Variants in GULP1 observed in about 807,000 individuals in gnomAD.
GULP1 encodes GULP PTB domain containing engulfment adaptor 1.
A neutral mutation model predicts 40.9 loss-of-function variants in GULP1; 19 were observed. That is an observed-to-expected ratio of 0.46 (90% CI 0.32 to 0.68). The LOEUF is 0.68. Ranked by LOEUF, GULP1 falls within the 30% of genes least tolerant of loss-of-function variation. GULP1 has a pLI of 0.03. For synonymous variants in GULP1, 119 were observed against 117.6 expected (o/e 1.01, Z -0.08); for missense variants, 312 against 362.2 (o/e 0.86, Z 1.12).
intron 9 of GULP1, among the ~76,000 whole-genome samples, chr2:188,575,627 G>A (rs1700022324): frequency 6.6e-6 from 1 of 152,182 alleles, no homozygotes; most frequent in African/African-American, 2.4e-5. Flanking sequence ...GCAACAGGCT[G>A]AAAACAATAA....
At chr2:188,384,806 G>A (rs1363143435) in intron 2 of GULP1, among the ~76,000 whole-genome samples, 1 of 152,172 alleles carries the variant, frequency 6.6e-6, no homozygotes, top group Non-Finnish European at 1.5e-5. Flanking sequence ...AAATCCAGTG[G>A]GGCAGTCAAA....
In GULP1 at chr2:188,514,454, A is replaced by AAAAT. The variant is rs895663477; in HGVS notation, c.91-8286_91-8283dup. Among the ~76,000 whole-genome samples, 98 of 152,270 alleles carry AAAAT rather than the reference A, an allele frequency of 6.4e-4. 1 individual carries two copies. The highest frequency in any genetic ancestry group is 2.3e-3 in the African/African-American group (94 of 41,552). On this transcript the variant is annotated intron_variant, in intron 4 of 11. Coordinates refer to ENST00000409830, the MANE Select transcript of GULP1 (RefSeq NM_016315.4). The stretch of plus-strand genomic sequence containing the variant: ...TTAAGTGAGGACTTATTGTACAGAA[A>AAAAT]AAATAAATAAATAAATAAAACCCTG...
intron 2 of GULP1, among the ~76,000 whole-genome samples, chr2:188,420,093 T>A (rs2055176439): frequency 6.6e-6 from 1 of 152,200 alleles, no homozygotes; most frequent in African/African-American, 2.4e-5. Context: ...TTTGGTGTTT[T>A]GTAATTAATA....
rs547673428 is a variant in GULP1, at chr2:188,452,587, T to C, written c.-44-25072T>C. Among the ~76,000 whole-genome samples, 3 of 152,322 alleles carry C rather than the reference T, an allele frequency of 2.0e-5. No individual in the cohort carries two copies. The South Asian group carries it at 6.2e-4, about 32-fold the overall frequency. ...CCTGTATTTTCTATTATAAGCATAA[T>C]AAATACACTGTTAATATGTGTTTCA... On this transcript the variant is annotated intron_variant, in intron 2 of 11. Transcript: ENST00000409830.
At chr2:188,461,123 T>C (rs930632362) in intron 2 of GULP1, among the ~76,000 whole-genome samples, 1 of 152,140 alleles carries the variant, frequency 6.6e-6, no homozygotes, top group Non-Finnish European at 1.5e-5. Flanking sequence ...ATTTATTTAT[T>C]TATGATGTGT....
chr2:188,519,085 T>G (rs892966416), intron 4 of GULP1, among the ~76,000 whole-genome samples: 3 of 152,296 alleles, frequency 2.0e-5, no homozygotes, highest in South Asian at 4.1e-4. Context: ...GCATAAACTT[T>G]TTTTAGTTTT....
In GULP1 at chr2:188,536,308, G is replaced by T. The variant is rs1011753665; in HGVS notation, c.262-4873G>T. 2.0e-5 allele frequency among the ~76,000 whole-genome samples: 3 copies of T among 152,016 alleles called. No homozygotes were observed. In the South Asian group the frequency reaches 6.2e-4, roughly 31 times the overall value. ...GGGCATTTACATTATTTTCTTCTAG[G>T]ATTTTTATAGTTTGAGGTACTACAT... is the stretch of plus-strand genomic sequence containing the variant. On this transcript the variant is annotated intron_variant, in intron 6 of 11. Coordinates refer to ENST00000409830, the MANE Select transcript of GULP1 (RefSeq NM_016315.4).
At chr2:188,312,315 A>G (rs1338836958) in intron 1 of GULP1, among the ~76,000 whole-genome samples, 1 of 151,846 alleles carries the variant, frequency 6.6e-6, no homozygotes, top group African/African-American at 2.4e-5. Flanking sequence ...CTCATCCCCC[A>G]TCCACCAACA....
chr2:188,405,483 C>G (rs1267395433), intron 2 of GULP1, among the ~76,000 whole-genome samples: 3 of 152,132 alleles, frequency 2.0e-5, no homozygotes, highest in East Asian at 3.9e-4. Context: ...CCCTCACAGA[C>G]TTAGGCTCCA....
intron 2 of GULP1, among the ~76,000 whole-genome samples, chr2:188,388,593 A>G (rs970411577): frequency 4.6e-5 from 7 of 152,120 alleles, no homozygotes; most frequent in African/African-American, 1.7e-4. Context: ...TAAAAGTGAT[A>G]TGTGTGTTAG....
At chr2:188,421,881 C>G (rs1240047548) in intron 2 of GULP1, among the ~76,000 whole-genome samples, 1 of 152,114 alleles carries the variant, frequency 6.6e-6, no homozygotes, top group Non-Finnish European at 1.5e-5. Context: ...TGAACTTTAT[C>G]CAACTTCCAG....
At chr2:188,538,903 T>A (rs1689679833) in intron 6 of GULP1, among the ~76,000 whole-genome samples, 1 of 152,096 alleles carries the variant, frequency 6.6e-6, no homozygotes, top group Non-Finnish European at 1.5e-5. Flanking sequence ...CTAAAATAAA[T>A]TTATTTATAG....
chr2:188,493,825 A>G (rs559823448), intron 4 of GULP1, among the ~76,000 whole-genome samples: 2 of 152,176 alleles, frequency 1.3e-5, no homozygotes, highest in African/African-American at 2.4e-5. Flanking sequence ...TTCAGGGCTC[A>G]TTTGATAAAC....
chr2:188,583,725 G>T (rs547040850), intron 9 of GULP1, among the ~76,000 whole-genome samples: 1 of 152,164 alleles, frequency 6.6e-6, no homozygotes, highest in African/African-American at 2.4e-5. Context: ...GTACTGCAAT[G>T]AATATCAGTT....
chr2:188,561,533 A>G (rs1279568838), intron 7 of GULP1, among the ~76,000 whole-genome samples: 1 of 152,122 alleles, frequency 6.6e-6, no homozygotes, highest in Admixed American at 6.6e-5. Context: ...TCAAGTGCCC[A>G]ATGTGGTGGA....
At chr2:188,500,465 G>A (rs1369734263) in intron 4 of GULP1, among the ~76,000 whole-genome samples, 1 of 151,844 alleles carries the variant, frequency 6.6e-6, no homozygotes, top group Non-Finnish European at 1.5e-5. Context: ...GTGTTAATAA[G>A]CATCAAAATT....
intron 9 of GULP1, chr2:188,582,404 C>A (rs575918459): frequency 1.3e-5 from 6 of 471,426 alleles, no homozygotes; most frequent in African/African-American, 4.0e-5. Flanking sequence ...CTCTTTCTGG[C>A]GTAGTAATGG....
chr2:188,554,866 T>C (rs909556861), intron 7 of GULP1, among the ~76,000 whole-genome samples: 3 of 152,120 alleles, frequency 2.0e-5, no homozygotes, highest in African/African-American at 7.2e-5. Flanking sequence ...TTATATCGTC[T>C]CACTGGATAT....
rs969858213 is a variant in GULP1 at position 188,292,831 on chromosome 2, C to G, written c.-172+665C>G. ...TGCTGCGCGGGTCAAGTAGCTTCTTCTGGAGGGCGCAAGGCGCGGCGGGGG... is the reference window on the plus strand; with the variant it reads ...TGCTGCGCGGGTCAAGTAGCTTCTTGTGGAGGGCGCAAGGCGCGGCGGGGG... On this transcript the variant is annotated intron_variant, in intron 1 of 11. Coordinates refer to ENST00000409830, the MANE Select transcript of GULP1 (RefSeq NM_016315.4). The surrounding 1 kb of genome is among the most constrained non-coding windows in gnomAD (Gnocchi z 4.0). 1.3e-5 allele frequency: 2 copies of G among 152,266 alleles called. No homozygotes were observed. Among genetic ancestry groups the G allele is most frequent in the African/African-American group, 4.8e-5 (2 of 41,242 alleles). The allele number at this position is 152,266 out of a possible 1,614,324, so 9.4% of individuals were successfully genotyped here.
Sources: allele counts gnomAD v4.1 joint callset (sites outside exome capture counted in the v4.1 genomes callset), GRCh38; gene constraint gnomAD v4.1.1; non-coding constraint Gnocchi (gnomAD v3.1); transcripts MANE v1.5; gene names NCBI Gene and HGNC (gene_info 2026-07-23, HGNC 2026-07-21).